Variants in ZSWIM7 observed in about 807,000 individuals in gnomAD.
ZSWIM7 encodes the protein zinc finger SWIM-type containing 7, also known as zinc finger SWIM domain-containing protein 7.
ZSWIM7 carries 22 observed loss-of-function variants against 21.1 expected under a neutral mutation model. The ratio of observed to expected loss-of-function variants is 1.04; its 90% CI spans 0.74 to 1.49. ZSWIM7 has a LOEUF of 1.49. ZSWIM7 is among the 40% of genes most tolerant of loss of function. ZSWIM7 has a pLI of 0.00. For synonymous variants in ZSWIM7, 67 were observed against 66.5 expected (o/e 1.01, Z -0.04); for missense variants, 193 against 168.0 (o/e 1.15, Z -0.82).
intron 3 of ZSWIM7, among the ~76,000 whole-genome samples, chr17:15,982,654 T>A (rs4792707): frequency 0.61 from 91,819 of 151,648 alleles, 28,455 homozygotes; most frequent in African/African-American, 0.72. Context: ...CATTTTTTTT[T>A]AATTTTTGTT....
At position 15,987,276 on chromosome 17, in the gene ZSWIM7, C is replaced by T. The variant is rs775419383; in HGVS notation, c.191G>A (p.Arg64His). ...TCTCTAGACTTCTACCTGGTAAACA[C>T]GCCTTCCACTGGGTGATGAGATTAA... ...ITLISSPSGR[R>H]VYQVLGSSSK... Residue 64 changes from arginine (R) to histidine (H), a missense_variant, in exon 3 of 5, where the codon CGT (arginine) becomes CAT (histidine). Transcript: ENST00000399277. 47 of 1,612,196 alleles carry T rather than the reference C, an allele frequency of 2.9e-5. No homozygotes were observed. Among genetic ancestry groups the T allele is most frequent in the Admixed American group, 2.0e-4 (12 of 59,588 alleles).
chr17:15,985,566 T>C (rs1256412231), intron 3 of ZSWIM7, among the ~76,000 whole-genome samples: 3 of 152,168 alleles, frequency 2.0e-5, no homozygotes, highest in Admixed American at 2.0e-4. Flanking sequence ...TGAGGGTGTA[T>C]AAGATTTCTA....
At chr17:15,996,246 T>C (rs989498255) in intron 1 of ZSWIM7, among the ~76,000 whole-genome samples, 1 of 151,976 alleles carries the variant, frequency 6.6e-6, no homozygotes, top group African/African-American at 2.4e-5. Context: ...GAGGGTGCGG[T>C]GAGCAGAGAT....
chr17:15,993,741 C>G lies in ZSWIM7; in HGVS notation c.98+16G>C, dbSNP rs1970513044. 6.9e-7 allele frequency: 1 copy of G among 1,450,538 alleles called. No individual in the cohort carries two copies. Among genetic ancestry groups the G allele is most frequent in the Non-Finnish European group, 9.5e-7 (1 of 1,054,180 alleles). The allele number at this position is 1,450,538 out of a possible 1,614,324, so 89.9% of individuals were successfully genotyped here. Reference sequence around the variant, plus strand: ...ATGGTTAAAAAAAAATCAAATACAACAGTATATGTACTTACGATAACAGAT... The same window carrying G: ...ATGGTTAAAAAAAAATCAAATACAAGAGTATATGTACTTACGATAACAGAT... On this transcript the variant is annotated intron_variant, in intron 2 of 4. Transcript: ENST00000399277.
In ZSWIM7 at chr17:15,987,329, C is replaced by A. The variant is rs780688567; in HGVS notation, c.138G>T (p.Leu46Phe). Residue 46 changes from leucine to phenylalanine, a missense_variant, in exon 3 of 5, where the codon TTG (leucine) becomes TTT (phenylalanine). By Grantham distance (22) the Leu-to-Phe change is conservative. Coordinates refer to ENST00000399277, the MANE Select transcript of ZSWIM7 (RefSeq NM_001042697.2). ...TGATGGACTGTCGATCAACTAGGTC[C>A]AAGGCCTGGGTGGCTGATGAGCCAA... ...FLFGSSATQA[L>F]DLVDRQSITL... 3 of 1,613,630 alleles carry A rather than the reference C, an allele frequency of 1.9e-6. No individual in the cohort carries two copies. Among genetic ancestry groups the A allele is most frequent in the Non-Finnish European group, 1.7e-6 (2 of 1,179,810 alleles).
chr17:15,981,272 C>T (rs550564864), intron 3 of ZSWIM7, 128 bp from the exon 4 acceptor site: 14 of 621,146 alleles, frequency 2.3e-5, no homozygotes, highest in Non-Finnish European at 4.0e-5. Context: ...TAATGTTTTA[C>T]ATAAAAGAGG....
At chr17:15,991,607 A>G (rs1970482659) in intron 2 of ZSWIM7, among the ~76,000 whole-genome samples, 1 of 152,148 alleles carries the variant, frequency 6.6e-6, no homozygotes, top group African/African-American at 2.4e-5. Context: ...GGATTCGGCT[A>G]TTTACATCTT....
chr17:15,978,974 A>G (rs1970311937), intron 4 of ZSWIM7, among the ~76,000 whole-genome samples: 1 of 148,710 alleles, frequency 6.7e-6, no homozygotes. Context: ...TTTTAATTTT[A>G]ATTTTTGTTT....
chr17:15,997,471 A>G (rs1232945307), intron 1 of ZSWIM7, among the ~76,000 whole-genome samples: 1 of 152,216 alleles, frequency 6.6e-6, no homozygotes, highest in Non-Finnish European at 1.5e-5. Context: ...AAACCAAGAT[A>G]GTTGTAACTC....
At chr17:15,999,456 C>T (rs781493141) in intron 1 of ZSWIM7, 63 bp downstream of exon 1, 1 of 1,571,382 alleles carries the variant, frequency 6.4e-7, no homozygotes, top group Non-Finnish European at 8.6e-7. Flanking sequence ...CCTCCCGGCC[C>T]GGCGGTGCCC....
chr17:15,982,157 C>G (rs1970363361), intron 3 of ZSWIM7, among the ~76,000 whole-genome samples: 1 of 151,650 alleles, frequency 6.6e-6, no homozygotes, highest in Admixed American at 6.6e-5. Flanking sequence ...TGGTGGTGGT[C>G]AAGAGGGACA....
intron 2 of ZSWIM7, among the ~76,000 whole-genome samples, chr17:15,989,970 C>T (rs1970461463): frequency 6.6e-6 from 1 of 152,012 alleles, no homozygotes; most frequent in Admixed American, 6.6e-5. Flanking sequence ...CCTGTAATCC[C>T]AGCACTTTGG....
chr17:15,988,482 A>AT (rs1453801605), intron 2 of ZSWIM7, among the ~76,000 whole-genome samples: 2 of 152,108 alleles, frequency 1.3e-5, no homozygotes, highest in African/African-American at 4.8e-5. Flanking sequence ...TAACTAAAGC[A>AT]TATGTTCATT....
intron 1 of ZSWIM7, among the ~76,000 whole-genome samples, chr17:15,995,481 C>T (rs1354074526): frequency 6.6e-6 from 1 of 150,662 alleles, no homozygotes; most frequent in Non-Finnish European, 1.5e-5. Flanking sequence ...AGGCTGGTCT[C>T]GAACTCCCGA....
At chr17:15,979,424 A>G (rs1970319165) in intron 4 of ZSWIM7, among the ~76,000 whole-genome samples, 1 of 152,148 alleles carries the variant, frequency 6.6e-6, no homozygotes, top group African/African-American at 2.4e-5. Context: ...CAATTTCTCA[A>G]TCTTTTCCCT....
rs543162154 is a variant in ZSWIM7 at position 15,978,533 on chromosome 17, G to A, written c.307-370C>T. Among the ~76,000 whole-genome samples the A allele has an allele frequency of 7.2e-5, 11 of 152,320 alleles. No homozygotes were observed. The South Asian group carries it at 2.3e-3, about 32-fold the overall frequency. On this transcript the variant is annotated intron_variant, in intron 4 of 4. Transcript: ENST00000399277. ...GAATCGCTTGAACCCAGGAGGTGGAGGTTGCAGTGAGCCGAGATCACGCCA... is the reference window on the plus strand; with the variant it reads ...GAATCGCTTGAACCCAGGAGGTGGAAGTTGCAGTGAGCCGAGATCACGCCA...
intron 3 of ZSWIM7, chr17:15,986,695 C>G (rs1597439410): frequency 1.3e-5 from 2 of 152,076 alleles, no homozygotes; most frequent in African/African-American, 4.8e-5. Flanking sequence ...AGATATTGGT[C>G]AAAGGGTACA....
At chr17:15,996,387 T>C (rs1411246955) in intron 1 of ZSWIM7, among the ~76,000 whole-genome samples, 1 of 151,968 alleles carries the variant, frequency 6.6e-6, no homozygotes, top group Non-Finnish European at 1.5e-5. Context: ...GGCTCACAAC[T>C]ATAATCCCAG....
At position 15,977,743 on chromosome 17, in the gene ZSWIM7, T is replaced by C. The variant is rs367908356; in HGVS notation, c.*304A>G. On this transcript the variant is annotated 3_prime_UTR_variant, in exon 5 of 5. Coordinates refer to ENST00000399277, the MANE Select transcript of ZSWIM7 (RefSeq NM_001042697.2). The stretch of plus-strand genomic sequence containing the variant: ...AAGACTAAATAATGTGGACACAACA[T>C]GATATTAGGCTTTATTTGAATTTAA... 5 of 212,984 alleles carry C rather than the reference T, an allele frequency of 2.3e-5. No individual in the cohort carries two copies. The highest frequency in any genetic ancestry group is 9.9e-5 in the East Asian group (1 of 10,070). The allele number at this position is 212,984 out of a possible 1,614,324, so 13.2% of individuals were successfully genotyped here.
Sources: gnomAD v4.1 joint callset for allele counts (sites outside exome capture counted in the v4.1 genomes callset) on GRCh38, gnomAD v4.1.1 for gene constraint, MANE v1.5 for transcripts, NCBI Gene and HGNC (gene_info 2026-07-23, HGNC 2026-07-21) for gene names.